Variants in MMS22L observed in about 807,000 individuals in gnomAD.
MMS22L encodes MMS22 like, DNA repair protein.
In MMS22L, 74 loss-of-function variants were observed where a neutral mutation model predicts 159.1. That is an observed-to-expected ratio of 0.47 (90% CI 0.39 to 0.56). The LOEUF is 0.56. MMS22L is among the 20% of genes least tolerant of loss of function. The pLI is 0.00. For missense variants in MMS22L, 1,351 were observed against 1,422.1 expected, an observed-to-expected ratio of 0.95 and a Z score of 0.80; for synonymous variants, 517 against 506.9, an observed-to-expected ratio of 1.02 and a Z score of -0.27.
rs187587187 is a variant in MMS22L, at chr6:97,165,032, T to C, written c.3221+214A>G. 1.2e-4 allele frequency among the ~76,000 whole-genome samples: 19 copies of C among 152,184 alleles called. No individual in the cohort carries two copies. In the East Asian group the frequency reaches 2.1e-3, roughly 17 times the overall value. On this transcript the variant is annotated intron_variant, in intron 21 of 24. Coordinates refer to ENST00000683635, the MANE Select transcript of MMS22L (RefSeq NM_001350599.2). ...ATATATAAGGAAGGTAATAGCTACA[T>C]AGAGAAAAGAGAAGGAATTTAAAGA...
rs13202389 is a variant in MMS22L at position 97,253,785 on chromosome 6, A to G, written c.1119+772T>C. On this transcript the variant is annotated intron_variant, in intron 10 of 24. Transcript: ENST00000683635. ...TAGATACCTGGATTTTTTAAAACTC[A>G]CAAGTCTAATGATCAGCCAGGTTTG... is the stretch of plus-strand genomic sequence containing the variant. 4 of 152,314 alleles carry G rather than the reference A, an allele frequency of 2.6e-5. No individual in the cohort carries two copies. The East Asian group carries it at 7.7e-4, about 29-fold the overall frequency. 9.4% of individuals were successfully genotyped at this position (152,314 alleles called of 1,614,324 possible).
At chr6:97,204,556 C>T (rs560096425) in intron 14 of MMS22L, among the ~76,000 whole-genome samples, 1 of 152,204 alleles carries the variant, frequency 6.6e-6, no homozygotes, top group South Asian at 2.1e-4. Flanking sequence ...CTTTGGGAGG[C>T]CAAGGCAGGA....
intron 10 of MMS22L, among the ~76,000 whole-genome samples, chr6:97,251,149 G>C (rs765084741): frequency 6.6e-6 from 1 of 152,086 alleles, no homozygotes; most frequent in Admixed American, 6.6e-5. Context: ...AGGATGAATA[G>C]ATAATAAGGT....
At chr6:97,266,292 C>T (rs1274151772) in intron 8 of MMS22L, 2 of 152,166 alleles carry the variant, frequency 1.3e-5, no homozygotes, top group Non-Finnish European at 2.9e-5. Context: ...AGAACTACCA[C>T]ATGATCCAGC....
At chr6:97,181,237 GAGGACTAAGACCTCTT>G (rs1223979408) in intron 16 of MMS22L, among the ~76,000 whole-genome samples, 5 of 152,250 alleles carry the variant, frequency 3.3e-5, no homozygotes, top group African/African-American at 1.2e-4. Context: ...TTACTAAAAA[GAGGACTAAGACCTCTT>G]AGGCTTGTAT....
intron 22 of MMS22L, among the ~76,000 whole-genome samples, chr6:97,154,661 C>T (rs1165118321): frequency 6.6e-6 from 1 of 152,250 alleles, no homozygotes; most frequent in Non-Finnish European, 1.5e-5. Flanking sequence ...TTCATTCTTT[C>T]GCATGTGGCT....
chr6:97,279,902 T>A (rs992985621), intron 3 of MMS22L, among the ~76,000 whole-genome samples: 5 of 152,184 alleles, frequency 3.3e-5, no homozygotes, highest in Admixed American at 2.0e-4. Context: ...AGGAATAATG[T>A]AGACTAAAGT....
At chr6:97,156,139 G>C (rs1801816480) in intron 22 of MMS22L, among the ~76,000 whole-genome samples, 1 of 152,300 alleles carries the variant, frequency 6.6e-6, no homozygotes, top group East Asian at 1.9e-4. Flanking sequence ...CTTTTGAGAA[G>C]TGTCTGTTCA....
intron 7 of MMS22L, among the ~76,000 whole-genome samples, chr6:97,269,059 A>C (rs924428557): frequency 3.3e-5 from 5 of 152,110 alleles, no homozygotes; most frequent in Non-Finnish European, 5.9e-5. Flanking sequence ...CACAAGGATA[A>C]AAGATATTTA....
At chr6:97,234,669 A>C (rs1168996383) in intron 11 of MMS22L, among the ~76,000 whole-genome samples, 2 of 152,184 alleles carry the variant, frequency 1.3e-5, no homozygotes, top group East Asian at 3.9e-4. Context: ...ACATTTTTGG[A>C]AAGAAAAGAA....
chr6:97,180,399 C>A (rs1428079369), intron 16 of MMS22L, among the ~76,000 whole-genome samples: 1 of 152,138 alleles, frequency 6.6e-6, no homozygotes, highest in Non-Finnish European at 1.5e-5. Flanking sequence ...CCGTGCTTGG[C>A]CACTAAACCT....
At position 97,231,650 on chromosome 6, in the gene MMS22L, A is replaced by G. The variant is rs1810881912; in HGVS notation, c.1305T>C (p.Asn435=). 3.9e-6 allele frequency: 6 copies of G among 1,548,774 alleles called. No homozygotes were observed. Among genetic ancestry groups the G allele is most frequent in the Non-Finnish European group, 5.3e-6 (6 of 1,141,246 alleles). ...GAAGCCAAGAAATACTGAAGGAACT[A>G]TTCTAAAAGGGGGGAAAAAAAAGAT... ...ILWEYYSKNL[N]SSFSISWLPF... Residue 435 remains asparagine (N), a splice_region_variant and synonymous_variant, in exon 13 of 25, where the codon AAT becomes AAC. Coordinates refer to ENST00000683635, the MANE Select transcript of MMS22L (RefSeq NM_001350599.2).
intron 22 of MMS22L, among the ~76,000 whole-genome samples, chr6:97,156,104 A>G (rs903368735): frequency 3.3e-5 from 5 of 152,122 alleles, no homozygotes; most frequent in Middle Eastern, 3.4e-3. Context: ...TTTTTTCGTA[A>G]GTTTTTTGGC....
intron 24 of MMS22L, among the ~76,000 whole-genome samples, 170 bp from the exon 25 acceptor site, chr6:97,147,057 A>C (rs1447756873): frequency 6.6e-6 from 1 of 152,168 alleles, no homozygotes; most frequent in Admixed American, 6.5e-5. Flanking sequence ...ATCTATTGTG[A>C]GTAAACCTAG....
rs146968539 is a variant in MMS22L, at chr6:97,212,585, A to T, written c.2039+16309T>A. ...CATATATTACCTTTTTTATTCTCCA[A>T]ATCAGCTCTTCAATACGTATCATTA... On this transcript the variant is annotated intron_variant, in intron 14 of 24. Transcript: ENST00000683635. 5.3e-5 allele frequency among the ~76,000 whole-genome samples: 8 copies of T among 152,272 alleles called. No individual in the cohort carries two copies. The South Asian group carries it at 1.0e-3, about 20-fold the overall frequency.
chr6:97,206,678 C>CTA (rs1267242069), intron 14 of MMS22L, among the ~76,000 whole-genome samples: 8 of 151,968 alleles, frequency 5.3e-5, no homozygotes, highest in African/African-American at 1.9e-4. Flanking sequence ...AAGAAAGTCT[C>CTA]TAAGATGTTT....
At position 97,282,268 on chromosome 6, in the gene MMS22L, C is replaced by T. The variant is rs771077446; in HGVS notation, c.164+46G>A. ...TGAAATAACTAACATTCCTAAAAAACTGGTGAATAATCAGATGAGGGAAAA... is the reference window on the plus strand; with the variant it reads ...TGAAATAACTAACATTCCTAAAAAATTGGTGAATAATCAGATGAGGGAAAA... On this transcript the variant is annotated intron_variant, in intron 2 of 24. Coordinates refer to ENST00000683635, the MANE Select transcript of MMS22L (RefSeq NM_001350599.2). 5.7e-6 allele frequency: 9 copies of T among 1,582,956 alleles called. No individual in the cohort carries two copies. The African/African-American group carries it at 1.1e-4, about 19-fold the overall frequency.
At chr6:97,212,188 CCAATA>C (rs1455344015) in intron 14 of MMS22L, among the ~76,000 whole-genome samples, 1 of 152,190 alleles carries the variant, frequency 6.6e-6, no homozygotes, top group Non-Finnish European at 1.5e-5. Flanking sequence ...TCTACTTTCT[CCAATA>C]CCAGCACAAA....
chr6:97,163,583 G>T (rs779077043), intron 21 of MMS22L, among the ~76,000 whole-genome samples: 4 of 152,058 alleles, frequency 2.6e-5, no homozygotes, highest in Non-Finnish European at 5.9e-5. Flanking sequence ...TTCAGCATCT[G>T]TCATTTAGTT....
Sources: allele counts gnomAD v4.1 joint callset (sites outside exome capture counted in the v4.1 genomes callset), GRCh38; gene constraint gnomAD v4.1.1; transcripts MANE v1.5; gene names NCBI Gene and HGNC (gene_info 2026-07-23, HGNC 2026-07-21).